The following ATP1B3 variants were observed in gnomAD, a reference collection of about 807,000 sequenced individuals.
ATP1B3 encodes the protein sodium/potassium-transporting ATPase subunit beta-3.
In ATP1B3, 10 loss-of-function variants were observed where a neutral mutation model predicts 30.2. The ratio of observed to expected loss-of-function variants is 0.33; its 90% CI spans 0.20 to 0.56. The LOEUF (loss-of-function observed/expected upper bound fraction) is 0.56. ATP1B3 is among the 20% of genes least tolerant of loss of function. The pLI is 0.90. For missense variants in ATP1B3, 238 were observed against 336.7 expected (o/e 0.71, Z 2.29); for synonymous variants, 113 against 117.0 (o/e 0.97, Z 0.22).
intron 5 of ATP1B3, among the ~76,000 whole-genome samples, chr3:141,919,783 A>T (rs1275947013): frequency 2.6e-5 from 4 of 152,134 alleles, no homozygotes; most frequent in South Asian, 4.2e-4. Flanking sequence ...TACTAAAAAT[A>T]AAAAAATGAG....
intron 3 of ATP1B3, among the ~76,000 whole-genome samples, chr3:141,912,759 G>A (rs779519646): frequency 1.3e-5 from 2 of 152,164 alleles, no homozygotes; most frequent in African/African-American, 2.4e-5. Flanking sequence ...ACTGTGCCAA[G>A]TACGGAGCAG....
chr3:141,910,539 T>A (rs1934340204), intron 3 of ATP1B3, among the ~76,000 whole-genome samples: 2 of 152,156 alleles, frequency 1.3e-5, no homozygotes, highest in African/African-American at 4.8e-5. Context: ...TTTTTATACT[T>A]GGTCTTTATA....
At chr3:141,897,951 C>G (rs945590604) in intron 1 of ATP1B3, among the ~76,000 whole-genome samples, 2 of 152,246 alleles carry the variant, frequency 1.3e-5, no homozygotes, top group African/African-American at 4.8e-5. Flanking sequence ...CTCAGGTGAT[C>G]TGCCTGCCTC....
At chr3:141,897,145 C>G (rs1038373396) in intron 1 of ATP1B3, among the ~76,000 whole-genome samples, 1 of 152,158 alleles carries the variant, frequency 6.6e-6, no homozygotes, top group Non-Finnish European at 1.5e-5. Context: ...AGAAGCAAAG[C>G]TGTGCTCACC....
intron 1 of ATP1B3, among the ~76,000 whole-genome samples, chr3:141,887,474 A>G (rs1056234422): frequency 6.6e-6 from 1 of 152,194 alleles, no homozygotes; most frequent in Non-Finnish European, 1.5e-5. Flanking sequence ...AAAAGGTAAT[A>G]TGTGGCATAT....
At chr3:141,921,268 A>G (rs1458412852) in intron 5 of ATP1B3, among the ~76,000 whole-genome samples, 1 of 152,188 alleles carries the variant, frequency 6.6e-6, no homozygotes, top group Admixed American at 6.6e-5. Flanking sequence ...ATCATGAATA[A>G]TACTAGAAAT....
chr3:141,913,874 A>G (rs1276435751), intron 4 of ATP1B3, 38 bp downstream of exon 4: 3 of 1,542,130 alleles, frequency 1.9e-6, no homozygotes. Context: ...GCTTTTTTCT[A>G]ATATTCTCTT....
chr3:141,879,399 C>T (rs1933671846), intron 1 of ATP1B3, among the ~76,000 whole-genome samples: 1 of 152,116 alleles, frequency 6.6e-6, no homozygotes, highest in South Asian at 2.1e-4. Flanking sequence ...ACAATTTATA[C>T]TCCCAACGGT....
At chr3:141,911,782 A>G (rs1315550732) in intron 3 of ATP1B3, among the ~76,000 whole-genome samples, 1 of 152,182 alleles carries the variant, frequency 6.6e-6, no homozygotes, top group Non-Finnish European at 1.5e-5. Flanking sequence ...GGCATGAGCC[A>G]CTGCGCTCGG....
intron 5 of ATP1B3, 78 bp downstream of exon 5, chr3:141,916,098 CTT>C: frequency 7.7e-7 from 1 of 1,306,952 alleles, no homozygotes; most frequent in Non-Finnish European, 1.1e-6. Flanking sequence ...ATTTAGTCAT[CTT>C]TTTTTTCTTC....
chr3:141,876,993 G>C lies in ATP1B3; in HGVS notation c.109+83G>C, dbSNP rs1933610049. The C allele has an allele frequency of 5.3e-6, 6 of 1,121,680 alleles. No individual in the cohort carries two copies. The African/African-American group carries it at 8.3e-5, about 16-fold the overall frequency. The allele number at this position is 1,121,680 out of a possible 1,614,324, so 69.5% of individuals were successfully genotyped here. On this transcript the variant is annotated intron_variant, in intron 1 of 6. Transcript: ENST00000286371. ...CGGTCTGGTGGGAACGGAAAGGCGG[G>C]AGGCGGCTCCCAGCGCCGGGGCTCC...
chr3:141,913,862 C>T (rs377051362), intron 4 of ATP1B3, 26 bp downstream of exon 4: 29 of 1,559,488 alleles, frequency 1.9e-5, no homozygotes, highest in Non-Finnish European at 2.4e-5. Flanking sequence ...ACCTCTGCTG[C>T]TGCTTTTTTC....
intron 1 of ATP1B3, among the ~76,000 whole-genome samples, chr3:141,898,882 C>T (rs896325320): frequency 6.6e-6 from 1 of 152,136 alleles, no homozygotes; most frequent in Non-Finnish European, 1.5e-5. Context: ...TATCCATATA[C>T]AGTGGGATAT....
chr3:141,925,475 G>A, intron 6 of ATP1B3, 56 bp from the exon 7 acceptor site: 1 of 1,522,556 alleles, frequency 6.6e-7, no homozygotes, highest in Non-Finnish European at 8.8e-7. Flanking sequence ...TCCTGGTAGA[G>A]AGAAGTATTA....
At chr3:141,910,785 T>TCCCC (rs1934345038) in intron 3 of ATP1B3, among the ~76,000 whole-genome samples, 1 of 103,972 alleles carries the variant, frequency 9.6e-6, no homozygotes, top group African/African-American at 4.3e-5. Flanking sequence ...GCCCCCCCCT[T>TCCCC]TTTTTTAATT....
chr3:141,901,797 T>C (rs995150292), intron 1 of ATP1B3, among the ~76,000 whole-genome samples: 9 of 152,244 alleles, frequency 5.9e-5, no homozygotes, highest in African/African-American at 2.2e-4. Context: ...TATTTTAAGA[T>C]GACTTAAAAA....
intron 1 of ATP1B3, among the ~76,000 whole-genome samples, chr3:141,890,086 C>CTTTTTTT (rs1245235657): frequency 1.9e-5 from 2 of 107,528 alleles, no homozygotes; most frequent in African/African-American, 3.7e-5. Context: ...AATTTTTTTT[C>CTTTTTTT]TTTTTTTTTT....
At chr3:141,902,835 G>A (rs139085462) in intron 1 of ATP1B3, 1 of 152,278 alleles carries the variant, frequency 6.6e-6, no homozygotes, top group South Asian at 2.1e-4. Context: ...TATTCATTGA[G>A]TGCTGTCTTC....
At chr3:141,924,100 T>C (rs1934612546) in intron 6 of ATP1B3, among the ~76,000 whole-genome samples, 1 of 152,240 alleles carries the variant, frequency 6.6e-6, no homozygotes. Flanking sequence ...TCCCAGCACT[T>C]TGGGAGGCTG....
Sources: allele counts gnomAD v4.1 joint callset (sites outside exome capture counted in the v4.1 genomes callset), GRCh38; gene constraint gnomAD v4.1.1; transcripts MANE v1.5; gene names NCBI Gene and HGNC (gene_info 2026-07-23, HGNC 2026-07-21).